MMRN2: variants seen among roughly 807,000 people sequenced by gnomAD.
The protein encoded by MMRN2 is multimerin 2.
MMRN2 carries 53 observed loss-of-function variants against 68.8 expected under a neutral mutation model. That is an observed-to-expected ratio of 0.77 (90% CI 0.62 to 0.97). The LOEUF (loss-of-function observed/expected upper bound fraction) is 0.97, where lower values mean the gene tolerates loss of function less well. Ranked by LOEUF, MMRN2 falls within the 50% of genes least tolerant of loss-of-function variation. MMRN2 has a pLI of 0.00. For synonymous variants in MMRN2, 564 were observed against 551.6 expected, an observed-to-expected ratio of 1.02 and a Z score of -0.32; for missense variants, 1,266 against 1,259.5, an observed-to-expected ratio of 1.01 and a Z score of -0.08.
At position 86,936,530 on chromosome 10, in the gene MMRN2, C is replaced by T. The variant is rs974137129; in HGVS notation, c.*213G>A. ...GGTTCAGGCTTCCTAGGACCATGTC[C>T]TGCCCGGAGAAGCATTCCAGTCCTT... On this transcript the variant is annotated 3_prime_UTR_variant, in exon 7 of 7. Coordinates refer to ENST00000372027, the MANE Select transcript of MMRN2 (RefSeq NM_024756.3). The T allele has an allele frequency of 1.4e-5, 9 of 621,722 alleles. No homozygotes were observed. In the African/African-American group the frequency reaches 1.7e-4, roughly 11 times the overall value. 38.5% of individuals were successfully genotyped at this position (621,722 alleles called of 1,614,324 possible).
chr10:86,947,349 G>T (rs911784857), intron 1 of MMRN2, among the ~76,000 whole-genome samples: 10 of 152,140 alleles, frequency 6.6e-5, no homozygotes, highest in East Asian at 1.9e-4. Flanking sequence ...TGTTGGGAAA[G>T]GCAGGGGCGG....
intron 6 of MMRN2, among the ~76,000 whole-genome samples, chr10:86,938,198 T>C (rs1457933623): frequency 2.6e-5 from 4 of 152,206 alleles, no homozygotes; most frequent in Non-Finnish European, 5.9e-5. Context: ...CCCCGCAAAG[T>C]GCTGGGATTA....
chr10:86,947,350 G>T (rs944574970), intron 1 of MMRN2, among the ~76,000 whole-genome samples: 11 of 152,060 alleles, frequency 7.2e-5, no homozygotes, highest in East Asian at 1.9e-4. Context: ...GTTGGGAAAG[G>T]CAGGGGCGGG....
intron 6 of MMRN2, among the ~76,000 whole-genome samples, chr10:86,939,669 AC>A (rs139691921): frequency 6.7e-6 from 1 of 150,080 alleles, no homozygotes; most frequent in Non-Finnish European, 1.5e-5. Flanking sequence ...GCAGAGAGAG[AC>A]CCCCACCCCA....
At chr10:86,940,170 C>G (rs1381520496) in intron 6 of MMRN2, among the ~76,000 whole-genome samples, 1 of 151,830 alleles carries the variant, frequency 6.6e-6, no homozygotes, top group Admixed American at 6.6e-5. Context: ...GCCACCACAC[C>G]CGGCTAATTT....
rs746090166 is a variant in MMRN2 at position 86,936,825 on chromosome 10, CA to C, written c.2767del (p.Trp923GlyfsTer4). 1 of 1,614,206 alleles carries C rather than the reference CA, an allele frequency of 6.2e-7. No individual in the cohort carries two copies. Among genetic ancestry groups the C allele is most frequent in the South Asian group, 1.1e-5 (1 of 91,074 alleles). ...MAELQKGERV[W>X]FELTQGSITK... ...TATTGATCCCTGGGTTAACTCAAACCATACTCGCTCACCCTTCTGCAGCTCA... is the reference window on the plus strand; with the variant it reads ...TATTGATCCCTGGGTTAACTCAAACCTACTCGCTCACCCTTCTGCAGCTCA... On this transcript the variant is annotated frameshift_variant, in exon 7 of 7. Transcript: ENST00000372027. LOFTEE classifies it high-confidence loss of function.
rs754426723 is a variant in MMRN2 at position 86,942,621 on chromosome 10, G to A, written c.2163C>T (p.Ala721=). The part of the protein sequence containing the change: ...VGRCCEAEAG[A]GAASLNASLH... ...GGGAGGCGTTGAGGGAGGCGGCCCC[G>A]GCCCCGGCCTCGGCCTCGCAGCACC... is the stretch of plus-strand genomic sequence containing the variant. Residue 721 remains alanine, a synonymous_variant, in exon 6 of 7, where the codon GCC becomes GCT. Coordinates refer to ENST00000372027, the MANE Select transcript of MMRN2 (RefSeq NM_024756.3). The A allele has an allele frequency of 2.5e-6, 4 of 1,604,624 alleles. No individual in the cohort carries two copies. Among genetic ancestry groups the A allele is most frequent in the Admixed American group, 3.3e-5 (2 of 59,990 alleles).
In MMRN2 at chr10:86,944,399, T is replaced by G. The variant is rs185423584; in HGVS notation, c.518A>C (p.Gln173Pro). The G allele has an allele frequency of 6.2e-7, 1 of 1,613,982 alleles. No individual in the cohort carries two copies. Among genetic ancestry groups the G allele is most frequent in the African/African-American group, 1.3e-5 (1 of 75,050 alleles). Residue 173 changes from glutamine to proline, a missense_variant, in exon 5 of 7, where the codon CAA (glutamine) becomes CCA (proline). Physicochemically the swap from Gln to Pro is moderately conservative, Grantham distance 76. Transcript: ENST00000372027. ...CAGCAGATGTTCCTGCTGTTCCTGT[T>G]GCACCTCAACCTCATTGATCACTGC... The part of the protein sequence containing the change: ...LAAVINEVEV[Q>P]QEQQEHLLGD...
At chr10:86,952,142 C>T (rs1185433956) in intron 1 of MMRN2, among the ~76,000 whole-genome samples, 4 of 152,274 alleles carry the variant, frequency 2.6e-5, no homozygotes, top group African/African-American at 4.8e-5. Flanking sequence ...AATGATGGGG[C>T]GTTGGCTCAG....
chr10:86,941,428 T>C (rs961524826), intron 6 of MMRN2, among the ~76,000 whole-genome samples: 4 of 152,180 alleles, frequency 2.6e-5, no homozygotes, highest in Non-Finnish European at 5.9e-5. Context: ...ATAAAAGTTA[T>C]ATGAATGTGG....
Position 86,943,842 on chromosome 10 carries a change from G to A in MMRN2, c.942C>T (p.Arg314=), listed in dbSNP as rs1253117160. ...GCAGGGTAAAGTGCTGGGCGTGCAG[G>A]CGGTCCTCCACGTCCTGTCGCAGCT... ...VGQLRQDVED[R]LHAQHFTLHR... is the part of the protein sequence containing the mutation. Residue 314 remains arginine (R), a synonymous_variant, in exon 6 of 7, where the codon CGC becomes CGT. Transcript: ENST00000372027. This position sits in a 1 kb window ranked among gnomAD's most constrained non-coding sequence, Gnocchi z 4.2. 6.2e-7 allele frequency: 1 copy of A among 1,613,188 alleles called. No homozygotes were observed. Among genetic ancestry groups the A allele is most frequent in the Non-Finnish European group, 8.5e-7 (1 of 1,180,030 alleles).
intron 1 of MMRN2, among the ~76,000 whole-genome samples, chr10:86,955,022 G>A (rs1844199620): frequency 1.3e-5 from 2 of 152,218 alleles, no homozygotes; most frequent in African/African-American, 2.4e-5. Context: ...TGAGGCTGGT[G>A]ACTGGGGCCA....
chr10:86,935,740 G>A lies in MMRN2; in HGVS notation c.*1003C>T, dbSNP rs150439853. The A allele has an allele frequency of 0.014, 2,126 of 152,366 alleles. 21 individuals carry two copies. The highest frequency in any genetic ancestry group is 0.027 in the Admixed American group (406 of 15,292). 9.4% of individuals were successfully genotyped at this position (152,366 alleles called of 1,614,324 possible). On this transcript the variant is annotated 3_prime_UTR_variant, in exon 7 of 7. Transcript: ENST00000372027. ...TGGCATTTCTTGGTCTTTACCCTATGTAAGGCAAGGAGAAAAAGACATGAA... is the reference window on the plus strand; with the variant it reads ...TGGCATTTCTTGGTCTTTACCCTATATAAGGCAAGGAGAAAAAGACATGAA...
In MMRN2 at chr10:86,944,312, A is replaced by G. The variant is rs1844034131; in HGVS notation, c.605T>C (p.Leu202Pro). 3.1e-6 allele frequency: 5 copies of G among 1,613,520 alleles called. No homozygotes were observed. Among genetic ancestry groups the G allele is most frequent in the African/African-American group, 1.3e-5 (1 of 74,920 alleles). The change falls in exon 5 of 7, where the codon CTG (leucine) becomes CCG (proline). Residue 202 changes from leucine (L) to proline (P), a missense_variant. Physicochemically the swap from Leu to Pro is moderately conservative, Grantham distance 98. Transcript: ENST00000372027. The stretch of plus-strand genomic sequence containing the variant: ...CACTGCAGCTGTGAGGTTACCAGGC[A>G]GGGCTTTCCACAGGCCTGGCAGGCT... The part of the protein sequence containing the change: ...ADSLPGLWKA[L>P]PGNLTAAVME...
chr10:86,939,573 A>G (rs1231516411), intron 6 of MMRN2, among the ~76,000 whole-genome samples: 2 of 151,544 alleles, frequency 1.3e-5, no homozygotes, highest in Admixed American at 6.6e-5. Flanking sequence ...GCCTAGCCGA[A>G]GGAAGGCCGG....
Position 86,942,519 on chromosome 10 carries a change from A to G in MMRN2, c.2265T>C (p.Phe755=). The G allele has an allele frequency of 3.7e-6, 6 of 1,613,904 alleles. No homozygotes were observed. Among genetic ancestry groups the G allele is most frequent in the Non-Finnish European group, 5.1e-6 (6 of 1,179,986 alleles). Residue 755 remains phenylalanine, a synonymous_variant, in exon 6 of 7, where the codon TTT becomes TTC. Transcript: ENST00000372027. ...EQHQRLFHSL[F]GNFQGLMEAN... is the part of the protein sequence containing the mutation. Reference sequence around the variant, plus strand: ...CTTCCATGAGCCCTTGGAAGTTCCCAAAGAGGCTGTGGAAGAGCCGCTGGT... The same window carrying G: ...CTTCCATGAGCCCTTGGAAGTTCCCGAAGAGGCTGTGGAAGAGCCGCTGGT...
At chr10:86,953,623 T>A (rs1014314332) in intron 1 of MMRN2, among the ~76,000 whole-genome samples, 6 of 152,178 alleles carry the variant, frequency 3.9e-5, no homozygotes, top group Non-Finnish European at 7.3e-5. Context: ...AGGTATCTCA[T>A]GGGTGGGGCC....
chr10:86,939,787 CAAAT>C (rs934395369), intron 6 of MMRN2, among the ~76,000 whole-genome samples: 38 of 151,454 alleles, frequency 2.5e-4, no homozygotes, highest in Admixed American at 6.6e-4. Flanking sequence ...TTCCTACAAA[CAAAT>C]AAAGGGAAAT....
chr10:86,939,693 G>A (rs1248769249), intron 6 of MMRN2, among the ~76,000 whole-genome samples: 1 of 151,642 alleles, frequency 6.6e-6, no homozygotes, highest in Non-Finnish European at 1.5e-5. Context: ...CCAGCCTTGC[G>A]CCTGACAGGC....
Sources: gnomAD v4.1 joint callset for allele counts (sites outside exome capture counted in the v4.1 genomes callset) on GRCh38, gnomAD v4.1.1 for gene constraint, Gnocchi (gnomAD v3.1) non-coding constraint, MANE v1.5 for transcripts, NCBI Gene and HGNC (gene_info 2026-07-23, HGNC 2026-07-21) for gene names.